The following NRXN1 variants were observed in gnomAD, a reference collection of about 807,000 sequenced individuals.
NRXN1 encodes neurexin-1.
Under a neutral mutation model 150.9 loss-of-function variants are expected in NRXN1, and 39 were observed. That is an observed-to-expected ratio of 0.26 (90% CI 0.20 to 0.34). The LOEUF is 0.34. Ranked by LOEUF, NRXN1 falls within the 10% of genes least tolerant of loss-of-function variation. The pLI, the probability that NRXN1 is intolerant of heterozygous loss-of-function variation, is 1.00. For missense variants in NRXN1, 1,815 were observed against 1,949.9 expected, an observed-to-expected ratio of 0.93 and a Z score of 1.30; for synonymous variants, 924 against 757.0, an observed-to-expected ratio of 1.22 and a Z score of -3.62.
intron 5 of NRXN1, among the ~76,000 whole-genome samples, chr2:50,788,201 T>C (rs543172018): frequency 1.3e-5 from 2 of 151,940 alleles, no homozygotes; most frequent in African/African-American, 2.4e-5. Context: ...ATTCTCCTGC[T>C]TCTGCCTCCT....
At chr2:49,956,267 A>C (rs1334154480) in intron 21 of NRXN1, among the ~76,000 whole-genome samples, 2 of 152,144 alleles carry the variant, frequency 1.3e-5, no homozygotes, top group African/African-American at 4.8e-5. Context: ...TTTTACAAAA[A>C]CGTTTCCAAA....
chr2:50,753,203 G>A (rs552509037), intron 5 of NRXN1, among the ~76,000 whole-genome samples: 9 of 151,816 alleles, frequency 5.9e-5, no homozygotes, highest in African/African-American at 2.2e-4. Context: ...GAGAAAAAAA[G>A]GTTCTATTAG....
At chr2:50,175,662 T>C (rs1301095819) in intron 18 of NRXN1, among the ~76,000 whole-genome samples, 1 of 152,046 alleles carries the variant, frequency 6.6e-6, no homozygotes, top group Admixed American at 6.6e-5. Context: ...TATCTATACA[T>C]ATACATTTAC....
intron 17 of NRXN1, among the ~76,000 whole-genome samples, chr2:50,354,062 C>G (rs1176860463): frequency 6.6e-6 from 1 of 152,112 alleles, no homozygotes; most frequent in African/African-American, 2.4e-5. Context: ...TACCAATGAT[C>G]TCACCTCCCG....
At chr2:50,570,684 T>A (rs1203162734) in intron 8 of NRXN1, among the ~76,000 whole-genome samples, 2 of 152,028 alleles carry the variant, frequency 1.3e-5, no homozygotes, top group African/African-American at 2.4e-5. Context: ...ATTAAACCCA[T>A]CCAGACTGGA....
chr2:50,146,632 G>A (rs1287172176), intron 18 of NRXN1, among the ~76,000 whole-genome samples: 1 of 151,622 alleles, frequency 6.6e-6, no homozygotes, highest in Non-Finnish European at 1.5e-5. Flanking sequence ...AATTAAAGCT[G>A]ATTATAACTT....
intron 5 of NRXN1, among the ~76,000 whole-genome samples, chr2:50,856,726 T>G (rs1675330230): frequency 6.6e-6 from 1 of 152,096 alleles, no homozygotes; most frequent in South Asian, 2.1e-4. Context: ...TTCATGATAC[T>G]TAATTACTTT....
intron 18 of NRXN1, among the ~76,000 whole-genome samples, chr2:50,135,518 C>T (rs1706261315): frequency 6.6e-6 from 1 of 151,952 alleles, no homozygotes; most frequent in Non-Finnish European, 1.5e-5. Flanking sequence ...CAGTGAAACC[C>T]ATCTCTACTA....
intron 16 of NRXN1, among the ~76,000 whole-genome samples, chr2:50,471,717 C>T (rs1250953196): frequency 6.6e-6 from 1 of 151,690 alleles, no homozygotes; most frequent in Non-Finnish European, 1.5e-5. Flanking sequence ...TCAACAGACA[C>T]TGGGGCCTAC....
chr2:50,668,914 T>C (rs1688442459), intron 5 of NRXN1, among the ~76,000 whole-genome samples: 1 of 151,868 alleles, frequency 6.6e-6, no homozygotes, highest in Admixed American at 6.6e-5. Context: ...AGATGCATTG[T>C]GATATACAAA....
chr2:50,347,299 C>A lies in NRXN1; in HGVS notation c.3365-110329G>T, dbSNP rs1270970475. 21 of 1,275,800 alleles carry A rather than the reference C, an allele frequency of 1.6e-5. No homozygotes were observed. Among genetic ancestry groups the A allele is most frequent in the Admixed American group, 2.4e-5 (1 of 41,004 alleles). The allele number at this position is 1,275,800 out of a possible 1,614,324, so 79.0% of individuals were successfully genotyped here. A position where few individuals can be genotyped will look rare whatever the true frequency, so the allele number is the denominator to read the frequency against. On this transcript the variant is annotated intron_variant, in intron 17 of 22. Transcript: ENST00000401669. The surrounding 1 kb of genome is among the most constrained non-coding windows in gnomAD (Gnocchi z 4.9). ...TCCCAAAGAGTTTCGGGCGAGAGTG[C>A]GTGCCGGCGGGTGGGGGGCCGAGAA...
At chr2:50,753,408 C>G (rs535486015) in intron 5 of NRXN1, among the ~76,000 whole-genome samples, 2 of 151,890 alleles carry the variant, frequency 1.3e-5, no homozygotes, top group South Asian at 4.2e-4. Context: ...AGATGCTGTA[C>G]TGCCTCTCCA....
At chr2:50,268,902 C>A (rs1050946844) in intron 17 of NRXN1, among the ~76,000 whole-genome samples, 4 of 152,066 alleles carry the variant, frequency 2.6e-5, no homozygotes, top group African/African-American at 9.7e-5. Context: ...TGTATATCTA[C>A]GTTAATGAAA....
intron 5 of NRXN1, among the ~76,000 whole-genome samples, chr2:50,760,420 G>A (rs1028885542): frequency 6.6e-6 from 1 of 151,712 alleles, no homozygotes; most frequent in Non-Finnish European, 1.5e-5. Flanking sequence ...AAAATCCCTA[G>A]ACAAATCTTA....
chr2:50,420,576 T>C (rs2083907167), intron 17 of NRXN1, among the ~76,000 whole-genome samples: 1 of 152,068 alleles, frequency 6.6e-6, no homozygotes, highest in African/African-American at 2.4e-5. Context: ...CAGCTGTCCC[T>C]ATGATACTTA....
At chr2:50,809,819 C>T (rs1213573265) in intron 5 of NRXN1, among the ~76,000 whole-genome samples, 1 of 152,124 alleles carries the variant, frequency 6.6e-6, no homozygotes, top group Non-Finnish European at 1.5e-5. Flanking sequence ...GAGTTCACCA[C>T]CTCTCATGAG....
intron 21 of NRXN1, among the ~76,000 whole-genome samples, chr2:49,974,454 A>T (rs1050864876): frequency 3.3e-5 from 5 of 152,174 alleles, no homozygotes; most frequent in African/African-American, 9.7e-5. Flanking sequence ...TGTATATTAC[A>T]TTCAAATCCA....
chr2:49,969,380 TC>T (rs1375796066), intron 21 of NRXN1, among the ~76,000 whole-genome samples: 1 of 152,012 alleles, frequency 6.6e-6, no homozygotes, highest in Non-Finnish European at 1.5e-5. Context: ...TGTAGACAGT[TC>T]ATACATGGAA....
chr2:50,825,381 T>C (rs1342725080), intron 5 of NRXN1, among the ~76,000 whole-genome samples: 1 of 152,028 alleles, frequency 6.6e-6, no homozygotes, highest in East Asian at 1.9e-4. Context: ...CAAGACAGAA[T>C]TAGAGGGTTA....
Sources: allele counts gnomAD v4.1 joint callset (sites outside exome capture counted in the v4.1 genomes callset), GRCh38; gene constraint gnomAD v4.1.1; non-coding constraint Gnocchi (gnomAD v3.1); transcripts MANE v1.5; gene names NCBI Gene and HGNC (gene_info 2026-07-23, HGNC 2026-07-21).